The following CNTN5 variants were observed in gnomAD, a reference collection of about 807,000 sequenced individuals.
The protein encoded by CNTN5 is contactin-5.
Under a neutral mutation model 129.1 loss-of-function variants are expected in CNTN5, and 77 were observed. That is an observed-to-expected ratio of 0.60 (90% CI 0.50 to 0.72). The LOEUF (loss-of-function observed/expected upper bound fraction) is 0.72. CNTN5 is among the 30% of genes least tolerant of loss of function. The pLI is 0.00. For missense variants in CNTN5, 1,478 were observed against 1,328.8 expected, an observed-to-expected ratio of 1.11 and a Z score of -1.75; for synonymous variants, 509 against 465.6, an observed-to-expected ratio of 1.09 and a Z score of -1.20.
chr11:99,836,528 A>G (rs1336947160), intron 4 of CNTN5, among the ~76,000 whole-genome samples: 3 of 151,946 alleles, frequency 2.0e-5, no homozygotes, highest in Non-Finnish European at 4.4e-5. Flanking sequence ...ACATTTTCTT[A>G]ATCCAGTCTA....
At chr11:99,677,126 C>A (rs891510407) in intron 3 of CNTN5, among the ~76,000 whole-genome samples, 2 of 152,084 alleles carry the variant, frequency 1.3e-5, no homozygotes, top group Non-Finnish European at 2.9e-5. Context: ...TGATGTTACA[C>A]AACAATAATT....
intron 7 of CNTN5, among the ~76,000 whole-genome samples, chr11:99,932,030 C>A (rs1275601739): frequency 6.6e-6 from 1 of 152,084 alleles, no homozygotes; most frequent in Non-Finnish European, 1.5e-5. Context: ...TTTTTTGAGT[C>A]TCCTGTATAG....
chr11:99,847,995 G>T (rs1169622898), intron 6 of CNTN5, among the ~76,000 whole-genome samples: 4 of 152,182 alleles, frequency 2.6e-5, no homozygotes, highest in African/African-American at 9.6e-5. Flanking sequence ...GGCGGATCAC[G>T]AGTTCAGGAG....
At chr11:99,623,065 A>AT (rs1185217880) in intron 3 of CNTN5, among the ~76,000 whole-genome samples, 3 of 152,016 alleles carry the variant, frequency 2.0e-5, no homozygotes, top group African/African-American at 7.2e-5. Context: ...TACATTGTTC[A>AT]TTTTTTTAAG....
chr11:99,399,880 A>G (rs1052820422), intron 2 of CNTN5, among the ~76,000 whole-genome samples: 3 of 151,664 alleles, frequency 2.0e-5, no homozygotes, highest in Non-Finnish European at 4.4e-5. Context: ...GTGGGTACAT[A>G]GAAGGTGGAT....
chr11:100,041,659 G>T lies in CNTN5; in HGVS notation c.981-19553G>T, dbSNP rs903216918. The stretch of plus-strand genomic sequence containing the variant: ...AAAGGAAGGCAGCCAATTGCCTATA[G>T]TTGGGACATAGGCTGACCTCAGCAT... On this transcript the variant is annotated intron_variant, in intron 9 of 24. Transcript: ENST00000524871. 2.0e-5 allele frequency among the ~76,000 whole-genome samples: 3 copies of T among 152,168 alleles called. No individual in the cohort carries two copies. In the South Asian group the frequency reaches 6.2e-4, roughly 32 times the overall value.
intron 2 of CNTN5, among the ~76,000 whole-genome samples, chr11:99,429,971 A>G (rs1943296110): frequency 6.6e-6 from 1 of 152,118 alleles, no homozygotes; most frequent in African/African-American, 2.4e-5. Flanking sequence ...AATATTTGAT[A>G]CCCTCAAAAG....
At chr11:100,102,253 G>A (rs955320117) in intron 13 of CNTN5, among the ~76,000 whole-genome samples, 1 of 151,408 alleles carries the variant, frequency 6.6e-6, no homozygotes, top group South Asian at 2.1e-4. Flanking sequence ...TTTAATTGTG[G>A]CTTTTCTGGC....
At chr11:99,386,397 T>C (rs1256219237) in intron 2 of CNTN5, among the ~76,000 whole-genome samples, 2 of 152,222 alleles carry the variant, frequency 1.3e-5, no homozygotes, top group East Asian at 3.9e-4. Flanking sequence ...CTTGAACATA[T>C]GCTAAACAAG....
chr11:99,960,511 A>T (rs760997482), intron 8 of CNTN5, among the ~76,000 whole-genome samples: 42 of 152,292 alleles, frequency 2.8e-4, no homozygotes, highest in Non-Finnish European at 5.3e-4. Context: ...ATATTTTTCC[A>T]GGTTTTTAAG....
intron 3 of CNTN5, among the ~76,000 whole-genome samples, chr11:99,566,228 T>A (rs1200626988): frequency 6.6e-6 from 1 of 152,074 alleles, no homozygotes. Flanking sequence ...GTGTGGCACC[T>A]TCCCCCTCAC....
chr11:99,466,529 C>A (rs889728395), intron 2 of CNTN5, among the ~76,000 whole-genome samples: 2 of 151,792 alleles, frequency 1.3e-5, no homozygotes, highest in Admixed American at 6.6e-5. Flanking sequence ...ATAAAGACTG[C>A]AAAGAGAGGC....
intron 1 of CNTN5, among the ~76,000 whole-genome samples, chr11:99,158,143 T>C (rs1290264681): frequency 6.6e-6 from 1 of 152,212 alleles, no homozygotes; most frequent in Admixed American, 6.5e-5. Flanking sequence ...TGTACTCACC[T>C]GTCCACCTCA....
At chr11:99,479,077 A>G (rs1414541959) in intron 2 of CNTN5, among the ~76,000 whole-genome samples, 1 of 152,112 alleles carries the variant, frequency 6.6e-6, no homozygotes, top group Admixed American at 6.6e-5. Flanking sequence ...AATGTAAAAC[A>G]ATGGATTAAA....
intron 3 of CNTN5, among the ~76,000 whole-genome samples, chr11:99,786,200 A>G (rs1945517013): frequency 6.6e-6 from 1 of 152,128 alleles, no homozygotes; most frequent in African/African-American, 2.4e-5. Flanking sequence ...AAGAATTCCT[A>G]TACACCAATA....
chr11:99,365,861 T>C (rs2136119372), intron 2 of CNTN5, among the ~76,000 whole-genome samples: 1 of 152,234 alleles, frequency 6.6e-6, no homozygotes, highest in African/African-American at 2.4e-5. Context: ...TCAATGAAAA[T>C]AGCAATGAGA....
Position 99,825,953 on chromosome 11 carries a change from G to A in CNTN5, c.277+6188G>A, listed in dbSNP as rs117175695. Among the ~76,000 whole-genome samples the A allele has an allele frequency of 2.0e-4, 30 of 152,164 alleles. No individual in the cohort carries two copies. The East Asian group carries it at 5.6e-3, about 28-fold the overall frequency. The stretch of plus-strand genomic sequence containing the variant: ...AAATACAACATCTTTCTTTTCAAAT[G>A]TGCAAAATCCAGCTCTTTTTCTGAT... On this transcript the variant is annotated intron_variant, in intron 4 of 24. Transcript: ENST00000524871.
chr11:99,606,554 A>G (rs1950422909), intron 3 of CNTN5, among the ~76,000 whole-genome samples: 1 of 142,398 alleles, frequency 7.0e-6, no homozygotes, highest in African/African-American at 2.6e-5. Flanking sequence ...TGCCATCCCC[A>G]TCAAGCTACC....
intron 1 of CNTN5, among the ~76,000 whole-genome samples, chr11:99,175,563 T>C (rs986253531): frequency 6.6e-6 from 1 of 152,100 alleles, no homozygotes; most frequent in Non-Finnish European, 1.5e-5. Context: ...AGACAAGATA[T>C]GATGTGGGAC....
Sources: gnomAD v4.1 joint callset for allele counts (sites outside exome capture counted in the v4.1 genomes callset) on GRCh38, gnomAD v4.1.1 for gene constraint, MANE v1.5 for transcripts, NCBI Gene and HGNC (gene_info 2026-07-23, HGNC 2026-07-21) for gene names.